The following FAT2 variants were observed in gnomAD, a reference collection of about 807,000 sequenced individuals.
The protein encoded by FAT2 is protocadherin Fat 2.
FAT2 carries 150 observed loss-of-function variants against 295.3 expected under a neutral mutation model. The observed-to-expected ratio is 0.51, with a 90% CI of 0.44 to 0.58. FAT2 has a LOEUF of 0.58. Among genes scored for constraint, FAT2 ranks in the 20% least tolerant of loss-of-function variants. The pLI, the probability that FAT2 is intolerant of heterozygous loss-of-function variation, is 0.00. For missense variants in FAT2, 4,868 were observed against 5,442.7 expected, an observed-to-expected ratio of 0.89 and a Z score of 3.32; for synonymous variants, 2,026 against 2,150.3, an observed-to-expected ratio of 0.94 and a Z score of 1.60.
intron 1 of FAT2, among the ~76,000 whole-genome samples, chr5:151,587,046 G>T (rs1407955888): frequency 1.3e-5 from 2 of 152,012 alleles, no homozygotes; most frequent in African/African-American, 4.8e-5. Context: ...GGAGGCTGAG[G>T]CATGAGAATC....
upstream of FAT2, among the ~76,000 whole-genome samples, chr5:151,591,930 ATTCTTATTGTT>A (rs1759427047): frequency 6.6e-6 from 1 of 152,192 alleles, no homozygotes; most frequent in Admixed American, 6.5e-5. Flanking sequence ...GGTAATTCTT[ATTCTTATTGTT>A]TTCAGCTGTG....
chr5:151,558,666 C>T (rs1283812293), intron 3 of FAT2, among the ~76,000 whole-genome samples: 1 of 151,998 alleles, frequency 6.6e-6, no homozygotes, highest in African/African-American at 2.4e-5. Flanking sequence ...TATTGCCTTC[C>T]GTTTCAGAGA....
Position 151,531,477 on chromosome 5 carries a change from G to A in FAT2, c.9811+110C>T, listed in dbSNP as rs565650488. ...GAGAATGGAGAAACGACCAGAGGAGGTCTGCTCTGGGAGGCGCTGCACAGG... is the reference window on the plus strand; with the variant it reads ...GAGAATGGAGAAACGACCAGAGGAGATCTGCTCTGGGAGGCGCTGCACAGG... On this transcript the variant is annotated intron_variant, in intron 14 of 23. Transcript: ENST00000261800. This position sits in a 1 kb window ranked among gnomAD's most constrained non-coding sequence, Gnocchi z 5.7. 2.2e-6 allele frequency: 3 copies of A among 1,392,512 alleles called. No individual in the cohort carries two copies. Among genetic ancestry groups the A allele is most frequent in the South Asian group, 1.4e-5 (1 of 71,768 alleles). The allele number at this position is 1,392,512 out of a possible 1,614,324, so 86.3% of individuals were successfully genotyped here.
chr5:151,543,634 G>A lies in FAT2; in HGVS notation c.7493C>T (p.Thr2498Ile). The change falls in exon 10 of 24, where the codon ACC becomes ATC. Residue 2498 changes from threonine to isoleucine, a missense_variant. Physicochemically the swap from Thr to Ile is moderately conservative, Grantham distance 89. Around this residue, in one of 5 missense-constraint regions of FAT2, gnomAD observed 3,297 missense variants for 3,669.4 expected, o/e 0.90. Coordinates refer to ENST00000261800, the MANE Select transcript of FAT2 (RefSeq NM_001447.3). ...TATGGCTAGCAAATCAATCACCTTG[G>A]TTCCAACCATTGCATTCTCTGCTAA... ...AELAENAMVG[T>I]KVIDLLAIDK... 1 of 1,614,136 alleles carries A rather than the reference G, an allele frequency of 6.2e-7. No individual in the cohort carries two copies.
At chr5:151,569,009 T>A (rs930199114) in intron 1 of FAT2, 58 bp from the exon 2 acceptor site, 5 of 1,465,410 alleles carry the variant, frequency 3.4e-6, no homozygotes, top group Non-Finnish European at 3.7e-6. Context: ...TTTCTACTGC[T>A]GTGATTCTTA....
chr5:151,566,130 A>C lies in FAT2; in HGVS notation c.2802T>G (p.Val934=). The change falls in exon 2 of 24, where the codon GTT becomes GTG. Residue 934 remains valine (V), a synonymous_variant. Coordinates refer to ENST00000261800, the MANE Select transcript of FAT2 (RefSeq NM_001447.3). ...CAGTCCCGGGGGGCAGGTCCTCTGGAACCTTCAGCCTGTTGTGTTCTGTGA... is the reference window on the plus strand; with the variant it reads ...CAGTCCCGGGGGGCAGGTCCTCTGGCACCTTCAGCCTGTTGTGTTCTGTGA... ...QCITEHNRLK[V]PEDLPPGTVL... 6.2e-7 allele frequency: 1 copy of C among 1,614,070 alleles called. No homozygotes were observed. The highest frequency in any genetic ancestry group is 1.1e-5 in the South Asian group (1 of 91,060).
intron 12 of FAT2, among the ~76,000 whole-genome samples, chr5:151,535,257 G>A (rs1039979362): frequency 1.3e-5 from 2 of 151,928 alleles, no homozygotes; most frequent in Non-Finnish European, 2.9e-5. Flanking sequence ...TGTTGGGTGT[G>A]TTATGTTAGG....
In FAT2 at chr5:151,545,904, A is replaced by G; in HGVS notation, c.5223T>C (p.Asp1741=). 6.2e-7 allele frequency: 1 copy of G among 1,614,226 alleles called. No homozygotes were observed. The highest frequency in any genetic ancestry group is 8.5e-7 in the Non-Finnish European group (1 of 1,180,044). ...CAATTATGTCAACCACCACCATGAC[A>G]TCAGTAAATGCACCTGCCATATTGC... ...RGSNMAGAFT[D]VMVVVDIIDE... The change falls in exon 10 of 24, where the codon GAT becomes GAC. Residue 1741 remains aspartate (D), a synonymous_variant. Coordinates refer to ENST00000261800, the MANE Select transcript of FAT2 (RefSeq NM_001447.3).
chr5:151,580,586 C>T (rs751541289), intron 1 of FAT2, among the ~76,000 whole-genome samples: 5 of 152,238 alleles, frequency 3.3e-5, no homozygotes, highest in African/African-American at 7.2e-5. Context: ...TCCCTTAACA[C>T]ACACGCGTGC....
chr5:151,544,293 G>A lies in FAT2; in HGVS notation c.6834C>T (p.Thr2278=), dbSNP rs1274418372. 6.2e-7 allele frequency: 1 copy of A among 1,614,180 alleles called. No individual in the cohort carries two copies. ...CAGGCAAGCCTTCTGAGATGGAAGT[G>A]GTATAGACCAATTGGGAAAAAGTGG... The part of the protein sequence containing the change: ...NPPTFSQLVY[T]TSISEGLPAQ... The change falls in exon 10 of 24, where the codon ACC becomes ACT. Residue 2278 remains threonine (T), a synonymous_variant. Transcript: ENST00000261800.
At position 151,565,897 on chromosome 5, in the gene FAT2, G is replaced by A. The variant is rs780417732; in HGVS notation, c.3035C>T (p.Thr1012Ile). 3.7e-6 allele frequency: 6 copies of A among 1,613,852 alleles called. No individual in the cohort carries two copies. The highest frequency in any genetic ancestry group is 5.1e-6 in the Non-Finnish European group (6 of 1,180,024). The part of the protein sequence containing the change: ...SDGGRPLARR[T>I]LCHVEVIVLD... ...GACGATCACCTCCACATGGCAGAGA[G>A]TCCTGCGGGCTAGGGGCCTCCCACC... The change falls in exon 2 of 24, where the codon ACT becomes ATT. Residue 1012 changes from threonine to isoleucine, a missense_variant. Physicochemically the swap from Thr to Ile is moderately conservative, Grantham distance 89. Around this residue, in one of 5 missense-constraint regions of FAT2, gnomAD observed 3,297 missense variants for 3,669.4 expected, o/e 0.90. Coordinates refer to ENST00000261800, the MANE Select transcript of FAT2 (RefSeq NM_001447.3).
upstream of FAT2, among the ~76,000 whole-genome samples, chr5:151,594,054 G>A (rs953242634): frequency 2.0e-5 from 3 of 152,138 alleles, no homozygotes; most frequent in Non-Finnish European, 4.4e-5. Flanking sequence ...CACTCTGCAT[G>A]AATTATCTAA....
chr5:151,569,732 G>T (rs957066909), intron 1 of FAT2, among the ~76,000 whole-genome samples: 2 of 152,170 alleles, frequency 1.3e-5, no homozygotes, highest in Non-Finnish European at 2.9e-5. Context: ...CCAACTCTTA[G>T]CCAGGAACCA....
chr5:151,570,042 A>G (rs1758459609), intron 1 of FAT2, among the ~76,000 whole-genome samples: 1 of 152,264 alleles, frequency 6.6e-6, no homozygotes, highest in African/African-American at 2.4e-5. Context: ...ATTCAGTGAA[A>G]TAATAAAGGT....
Position 151,543,581 on chromosome 5 carries a change from T to A in FAT2, c.7546A>T (p.Ile2516Leu). 1 of 1,614,226 alleles carries A rather than the reference T, an allele frequency of 6.2e-7. No homozygotes were observed. Among genetic ancestry groups the A allele is most frequent in the Non-Finnish European group, 8.5e-7 (1 of 1,180,040 alleles). Residue 2516 changes from isoleucine to leucine, a missense_variant, in exon 10 of 24, where the codon ATA (isoleucine) becomes TTA (leucine). Ile to Leu is a conservative substitution (Grantham distance 5). Coordinates refer to ENST00000261800, the MANE Select transcript of FAT2 (RefSeq NM_001447.3). ...AGTTTATTGATGATAGTATAATCTA[T>A]AGTGCCATAGGGACCACTATCTTTG... The part of the protein sequence containing the change: ...IDKDSGPYGT[I>L]DYTIINKLAS...
At chr5:151,573,204 T>C (rs770265603) in intron 1 of FAT2, among the ~76,000 whole-genome samples, 4 of 152,220 alleles carry the variant, frequency 2.6e-5, no homozygotes, top group Non-Finnish European at 5.9e-5. Context: ...TCTCTGATCC[T>C]TAGTTTCCCT....
At chr5:151,563,965 T>C (rs1758137332) in intron 2 of FAT2, among the ~76,000 whole-genome samples, 1 of 152,252 alleles carries the variant, frequency 6.6e-6, no homozygotes, top group African/African-American at 2.4e-5. Context: ...CAAATTCCAT[T>C]GATCTATTTC....
Position 151,531,802 on chromosome 5 carries a change from G to C in FAT2, c.9596C>G (p.Ser3199Cys), listed in dbSNP as rs1754646527. Reference protein sequence around the residue: ...ASDLGTPIPLSTLGTVTVSVV... With the variant: ...ASDLGTPIPLCTLGTVTVSVV... ...CGAGACTGTGACGGTGCCCAGCGTG[G>C]ACAGCGGTATTGGGGTGCCCAGGTC... The change falls in exon 14 of 24, where the codon TCC (serine) becomes TGC (cysteine). Residue 3199 changes from serine to cysteine, a missense_variant. Coordinates refer to ENST00000261800, the MANE Select transcript of FAT2 (RefSeq NM_001447.3). This position sits in a 1 kb window ranked among gnomAD's most constrained non-coding sequence, Gnocchi z 5.7. The C allele has an allele frequency of 6.2e-7, 1 of 1,613,392 alleles. No homozygotes were observed. The highest frequency in any genetic ancestry group is 8.5e-7 in the Non-Finnish European group (1 of 1,180,004).
At position 151,544,863 on chromosome 5, in the gene FAT2, G is replaced by A. The variant is rs771844369; in HGVS notation, c.6264C>T (p.Val2088=). Residue 2088 remains valine (V), a synonymous_variant, in exon 10 of 24, where the codon GTC becomes GTT. Transcript: ENST00000261800. ...IIQDGTEPGD[V]LFQVSATDED... ...CATCAGTGGCAGATACCTGAAAGAG[G>A]ACATCCCCTGGCTCTGTGCCATCTT... 6.2e-7 allele frequency: 1 copy of A among 1,614,156 alleles called. No homozygotes were observed.
Sources: gnomAD v4.1 joint callset for allele counts (sites outside exome capture counted in the v4.1 genomes callset) on GRCh38, gnomAD v4.1.1 for gene constraint, gnomAD v4.1.1 regional missense constraint, Gnocchi (gnomAD v3.1) non-coding constraint, MANE v1.5 for transcripts, NCBI Gene and HGNC (gene_info 2026-07-23, HGNC 2026-07-21) for gene names.